The following SGCD variants were observed in gnomAD, a reference collection of about 807,000 sequenced individuals.
SGCD encodes the protein delta-sarcoglycan.
Under a neutral mutation model 36.6 loss-of-function variants are expected in SGCD, and 18 were observed. The observed-to-expected ratio is 0.49, with a 90% CI of 0.34 to 0.73. The LOEUF (loss-of-function observed/expected upper bound fraction) is 0.73, where lower values mean the gene tolerates loss of function less well. Ranked by LOEUF, SGCD falls within the 30% of genes least tolerant of loss-of-function variation. The probability of loss-of-function intolerance (pLI) is 0.01; values close to 1 mark genes in which losing one functional copy is unlikely to be tolerated. For missense variants in SGCD, 387 were observed against 346.7 expected (o/e 1.12, Z -0.92); for synonymous variants, 133 against 130.6 (o/e 1.02, Z -0.12).
intron 1 of SGCD, among the ~76,000 whole-genome samples, chr5:156,053,299 AAC>A (rs1386723042): frequency 6.9e-6 from 1 of 145,882 alleles, no homozygotes; most frequent in African/African-American, 2.5e-5. Context: ...CCGGCCATGT[AAC>A]ATGGTCACCA....
chr5:156,617,847 C>T (rs1363829043), intron 6 of SGCD, among the ~76,000 whole-genome samples: 1 of 151,112 alleles, frequency 6.6e-6, no homozygotes, highest in African/African-American at 2.5e-5. Context: ...ATCCCATGTT[C>T]CTGTGCTTTT....
At chr5:155,835,002 A>ATTTTTTTTTTTTTT in the SGCD span, among the ~76,000 whole-genome samples, 11 of 60,178 alleles carry the variant, frequency 1.8e-4, 5 homozygotes, top group East Asian at 1.5e-3. Context: ...TGCCCAGCTA[A>ATTTTTTTTTTTTTT]TTTTTTTTTT....
intron 3 of SGCD, among the ~76,000 whole-genome samples, chr5:156,177,252 G>A (rs1041341750): frequency 3.3e-5 from 5 of 152,020 alleles, no homozygotes; most frequent in Non-Finnish European, 5.9e-5. Flanking sequence ...CACTCACCTC[G>A]GCCACCCAAT....
intron 6 of SGCD, among the ~76,000 whole-genome samples, chr5:156,610,436 G>A (rs1376804132): frequency 1.3e-5 from 2 of 152,184 alleles, no homozygotes; most frequent in African/African-American, 2.4e-5. Flanking sequence ...GGCTGTGTGA[G>A]GTGTTTGTCT....
chr5:156,517,131 G>C (rs1340051783), intron 4 of SGCD, among the ~76,000 whole-genome samples: 1 of 152,122 alleles, frequency 6.6e-6, no homozygotes, highest in Non-Finnish European at 1.5e-5. Flanking sequence ...AGAATAACCA[G>C]TTTAGAGAGG....
At chr5:155,751,450 A>G in the SGCD span, among the ~76,000 whole-genome samples, 38 of 152,114 alleles carry the variant, frequency 2.5e-4, no homozygotes, top group African/African-American at 8.9e-4. Flanking sequence ...TTGGAGTGCA[A>G]TTGCGGCTCA....
At chr5:155,774,878 C>A in the SGCD span, among the ~76,000 whole-genome samples, 1 of 152,164 alleles carries the variant, frequency 6.6e-6, no homozygotes, top group Non-Finnish European at 1.5e-5. Flanking sequence ...TTTCCACAGA[C>A]CCCTACCAGT....
At chr5:156,319,055 A>G (rs990524810) in intron 3 of SGCD, among the ~76,000 whole-genome samples, 33 of 152,212 alleles carry the variant, frequency 2.2e-4, no homozygotes, top group Admixed American at 6.5e-4. Context: ...GAATCAGGGC[A>G]TGCCAATAAA....
At chr5:156,604,695 A>G (rs964356041) in intron 6 of SGCD, among the ~76,000 whole-genome samples, 23 of 74,358 alleles carry the variant, frequency 3.1e-4, no homozygotes, top group Admixed American at 7.1e-4. Context: ...TAGTATATCC[A>G]TTATACATAT....
At chr5:156,479,926 A>G (rs908406055) in intron 3 of SGCD, among the ~76,000 whole-genome samples, 8 of 152,084 alleles carry the variant, frequency 5.3e-5, no homozygotes, top group Non-Finnish European at 4.4e-5. Flanking sequence ...TGCAGTTGCT[A>G]CAATTTCAAA....
chr5:155,882,479 A>G (rs1347831776), intron 1 of SGCD, among the ~76,000 whole-genome samples: 1 of 152,236 alleles, frequency 6.6e-6, no homozygotes, highest in Non-Finnish European at 1.5e-5. Context: ...CATGGCAGCT[A>G]TAGCCTTACC....
intron 4 of SGCD, among the ~76,000 whole-genome samples, chr5:156,533,437 A>G (rs933049129): frequency 2.0e-5 from 3 of 152,212 alleles, no homozygotes; most frequent in Non-Finnish European, 2.9e-5. Flanking sequence ...AATATGCTCT[A>G]TAGATATGTT....
At chr5:156,209,715 A>G (rs1266703777) in intron 3 of SGCD, among the ~76,000 whole-genome samples, 1 of 152,172 alleles carries the variant, frequency 6.6e-6, no homozygotes, top group Non-Finnish European at 1.5e-5. Context: ...CAGCACCCAC[A>G]CATCCAGCCT....
chr5:156,544,753 C>T (rs923527650), intron 4 of SGCD, among the ~76,000 whole-genome samples: 1 of 152,066 alleles, frequency 6.6e-6, no homozygotes, highest in Non-Finnish European at 1.5e-5. Flanking sequence ...AAGGTATGTA[C>T]ACAAATAGTA....
intron 1 of SGCD, among the ~76,000 whole-genome samples, chr5:155,968,700 G>T (rs1312833904): frequency 2.6e-5 from 4 of 152,068 alleles, no homozygotes; most frequent in Non-Finnish European, 5.9e-5. Context: ...ATCCTCCTCA[G>T]ATAAGGGGGG....
chr5:155,901,175 G>A (rs529782458), intron 1 of SGCD, among the ~76,000 whole-genome samples: 5 of 152,070 alleles, frequency 3.3e-5, no homozygotes, highest in African/African-American at 1.2e-4. Flanking sequence ...AGCCGGCGGT[G>A]GTGGTGGGTG....
chr5:155,956,803 C>A lies in SGCD; in HGVS notation c.-282+86379C>A, dbSNP rs941827597. 1.8e-4 allele frequency among the ~76,000 whole-genome samples: 27 copies of A among 150,810 alleles called. No homozygotes were observed. The South Asian group carries it at 5.4e-3, about 30-fold the overall frequency. On this transcript the variant is annotated intron_variant, in intron 1 of 9. Coordinates refer to the SGCD transcript ENST00000517913. ...CCTTTTTGTTGGACTCAGGGCCCCCCCCCCCGGTTAATCCAGGATGATCTA... is the reference window on the plus strand; with the variant it reads ...CCTTTTTGTTGGACTCAGGGCCCCCACCCCCGGTTAATCCAGGATGATCTA...
At chr5:156,270,761 A>G (rs1379508907) in intron 3 of SGCD, among the ~76,000 whole-genome samples, 1 of 152,130 alleles carries the variant, frequency 6.6e-6, no homozygotes, top group African/African-American at 2.4e-5. Context: ...TCTGTGTAGT[A>G]GGGGCATTGA....
At chr5:156,727,703 GA>G (rs1284387114) in intron 7 of SGCD, among the ~76,000 whole-genome samples, 1 of 152,096 alleles carries the variant, frequency 6.6e-6, no homozygotes, top group African/African-American at 2.4e-5. Context: ...CTTCATAAAT[GA>G]GAATAATAAT....
Sources: allele counts gnomAD v4.1 joint callset (sites outside exome capture counted in the v4.1 genomes callset), GRCh38; gene constraint gnomAD v4.1.1; transcripts MANE v1.5; gene names NCBI Gene and HGNC (gene_info 2026-07-23, HGNC 2026-07-21).